The following CTNNA2 variants were observed in gnomAD, a reference collection of about 807,000 sequenced individuals.
CTNNA2 encodes catenin alpha-2.
In CTNNA2, 42 loss-of-function variants were observed where a neutral mutation model predicts 101.0. The observed-to-expected ratio is 0.42, with a 90% CI of 0.32 to 0.54. The LOEUF (loss-of-function observed/expected upper bound fraction) is 0.54. CTNNA2 is among the 20% of genes least tolerant of loss of function. The pLI, the probability that CTNNA2 is intolerant of heterozygous loss-of-function variation, is 0.14. For missense variants in CTNNA2, 871 were observed against 1,223.1 expected (o/e 0.71, Z 4.29); for synonymous variants, 450 against 456.4 (o/e 0.99, Z 0.18).
At position 79,229,113 on chromosome 2, in the gene CTNNA2, G is replaced by A. The variant is rs568199545; in HGVS notation, c.-406+31037G>A. Among the ~76,000 whole-genome samples the A allele has an allele frequency of 1.1e-4, 17 of 152,218 alleles. No homozygotes were observed. In the South Asian group the frequency reaches 2.5e-3, roughly 22 times the overall value. ...TCTCTATTCTGTTCCATTGGTCTAC[G>A]TGTCTGTTTTTGTATCTGTACCATG... On this transcript the variant is annotated intron_variant, in intron 2 of 21. Coordinates refer to the CTNNA2 transcript ENST00000466387.
intron 15 of CTNNA2, among the ~76,000 whole-genome samples, chr2:80,596,601 C>G (rs189961222): frequency 2.0e-5 from 3 of 151,824 alleles, no homozygotes; most frequent in African/African-American, 7.3e-5. Flanking sequence ...CCTGAGCCAC[C>G]GCACCAGGCC....
chr2:80,531,419 G>A (rs114230760), intron 9 of CTNNA2, among the ~76,000 whole-genome samples: 2,238 of 152,280 alleles, frequency 0.015, 36 homozygotes, highest in Admixed American at 0.043. Flanking sequence ...AGAAGGATAC[G>A]GCCACAGATG....
At chr2:79,933,361 T>C (rs192426511) in intron 7 of CTNNA2, among the ~76,000 whole-genome samples, 236 of 152,296 alleles carry the variant, frequency 1.5e-3, no homozygotes, top group Admixed American at 2.1e-3. Flanking sequence ...CTTCATTTTT[T>C]AAATGAGAAA....
intron 5 of CTNNA2, among the ~76,000 whole-genome samples, chr2:79,507,252 G>A (rs1407979661): frequency 2.0e-5 from 3 of 152,216 alleles, no homozygotes; most frequent in African/African-American, 7.2e-5. Context: ...AAGTGGCAGT[G>A]AGGATACTGC....
intron 3 of CTNNA2, among the ~76,000 whole-genome samples, chr2:79,753,465 C>T (rs1389630424): frequency 2.0e-5 from 3 of 152,208 alleles, no homozygotes. Flanking sequence ...AACACCTCCT[C>T]TGTCACCCCG....
At chr2:79,258,747 C>G (rs1055958595) in intron 2 of CTNNA2, among the ~76,000 whole-genome samples, 1 of 150,302 alleles carries the variant, frequency 6.7e-6, no homozygotes, top group Non-Finnish European at 1.5e-5. Context: ...TATTTCTACT[C>G]CAAGTCCTCC....
Position 80,396,565 on chromosome 2 carries a change from C to T in CTNNA2, c.1137+3274C>T, listed in dbSNP as rs1378016353. ...CAGAGAAGACTCAGTCAGTTTCTGC[C>T]AACTGTACCCCTATTCCCTTTTGCT... On this transcript the variant is annotated intron_variant, in intron 8 of 18. Transcript: ENST00000402739. Among the ~76,000 whole-genome samples the T allele has an allele frequency of 2.0e-5, 3 of 152,304 alleles. No individual in the cohort carries two copies. The East Asian group carries it at 5.8e-4, about 29-fold the overall frequency.
chr2:79,683,027 G>C (rs1453463368), intron 2 of CTNNA2, among the ~76,000 whole-genome samples: 4 of 152,202 alleles, frequency 2.6e-5, no homozygotes, highest in Admixed American at 2.6e-4. Flanking sequence ...CAGGTTGGTG[G>C]TTTTTGAAAT....
chr2:79,901,563 T>C (rs1416032075), intron 6 of CTNNA2, among the ~76,000 whole-genome samples: 1 of 152,220 alleles, frequency 6.6e-6, no homozygotes, highest in Non-Finnish European at 1.5e-5. Context: ...CTTTATATTA[T>C]CAAATTGCTT....
At chr2:80,210,184 C>G (rs1707795885) in intron 7 of CTNNA2, among the ~76,000 whole-genome samples, 2 of 152,114 alleles carry the variant, frequency 1.3e-5, no homozygotes, top group South Asian at 4.1e-4. Flanking sequence ...TTAAAGCCAT[C>G]CTATTACATA....
intron 7 of CTNNA2, among the ~76,000 whole-genome samples, chr2:80,123,150 C>T (rs1455569399): frequency 2.0e-5 from 3 of 152,150 alleles, no homozygotes; most frequent in Non-Finnish European, 4.4e-5. Context: ...TCTGCTTATT[C>T]ACTGGCTGAT....
intron 7 of CTNNA2, among the ~76,000 whole-genome samples, chr2:80,309,832 T>A (rs1464369109): frequency 6.7e-6 from 1 of 150,350 alleles, no homozygotes; most frequent in Non-Finnish European, 1.5e-5. Flanking sequence ...GTAGCTGGGA[T>A]TACAGGCGCC....
intron 3 of CTNNA2, among the ~76,000 whole-genome samples, chr2:79,796,440 A>G (rs543529378): frequency 6.6e-6 from 1 of 151,804 alleles, no homozygotes; most frequent in Non-Finnish European, 1.5e-5. Flanking sequence ...CAAGTTGGTG[A>G]TATAAATATA....
At chr2:80,461,297 G>A (rs947546228) in intron 9 of CTNNA2, among the ~76,000 whole-genome samples, 15 of 152,040 alleles carry the variant, frequency 9.9e-5, no homozygotes, top group South Asian at 4.2e-4. Context: ...ACCCTGGCCC[G>A]TTGTTTACAA....
chr2:79,812,357 T>C (rs1677112120), intron 3 of CTNNA2, among the ~76,000 whole-genome samples: 1 of 152,202 alleles, frequency 6.6e-6, no homozygotes, highest in South Asian at 2.1e-4. Context: ...TTAAGTAAGA[T>C]GTTAGCTGTA....
Position 79,740,656 on chromosome 2 carries a change from G to C in CTNNA2, c.103-3731G>C, listed in dbSNP as rs113647582. On this transcript the variant is annotated intron_variant, in intron 2 of 18. Coordinates refer to ENST00000402739, the MANE Select transcript of CTNNA2 (RefSeq NM_001282597.3). ...ACCAATAGGACACAAAAAATGTAGT[G>C]AGACAAATGTAGAGAATAAATACAT... 6.8e-3 allele frequency among the ~76,000 whole-genome samples: 1,037 copies of C among 152,272 alleles called. 10 individuals carry two copies. Among genetic ancestry groups the C allele is most frequent in the African/African-American group, 0.022 (908 of 41,556 alleles).
intron 6 of CTNNA2, among the ~76,000 whole-genome samples, chr2:79,907,059 C>T (rs1685474253): frequency 6.6e-6 from 1 of 152,110 alleles, no homozygotes; most frequent in Admixed American, 6.5e-5. Context: ...TTTACCTCCC[C>T]ATATTTCCAT....
chr2:79,685,410 T>C (rs1309955303), intron 2 of CTNNA2, among the ~76,000 whole-genome samples: 1 of 152,154 alleles, frequency 6.6e-6, no homozygotes, highest in Admixed American at 6.5e-5. Flanking sequence ...CTGATTATCT[T>C]AACTGACTCA....
At chr2:80,494,342 T>C (rs952743131) in intron 9 of CTNNA2, among the ~76,000 whole-genome samples, 4 of 152,208 alleles carry the variant, frequency 2.6e-5, no homozygotes, top group Non-Finnish European at 5.9e-5. Flanking sequence ...AAAGCTGTGA[T>C]GGCTGTGGAC....
Sources: allele counts gnomAD v4.1 joint callset (sites outside exome capture counted in the v4.1 genomes callset), GRCh38; gene constraint gnomAD v4.1.1; transcripts MANE v1.5; gene names NCBI Gene and HGNC (gene_info 2026-07-23, HGNC 2026-07-21).